Variants in CLTC observed in about 807,000 individuals in gnomAD.
CLTC encodes clathrin heavy chain 1.
CLTC carries 16 observed loss-of-function variants against 195.8 expected under a neutral mutation model. The ratio of observed to expected loss-of-function variants is 0.08; its 90% CI spans 0.06 to 0.12. CLTC has a LOEUF of 0.12. Among genes scored for constraint, CLTC ranks in the 10% least tolerant of loss-of-function variants. CLTC has a pLI of 1.00. For missense variants in CLTC, 796 were observed against 2,027.0 expected (o/e 0.39, Z 11.66); for synonymous variants, 667 against 689.4 (o/e 0.97, Z 0.51).
chr17:59,673,572 A>G lies in CLTC; in HGVS notation c.2293-75A>G, dbSNP rs552498271. 14 of 1,165,900 alleles carry G rather than the reference A, an allele frequency of 1.2e-5. No homozygotes were observed. In the African/African-American group the frequency reaches 2.0e-4, roughly 17 times the overall value. 72.2% of individuals were successfully genotyped at this position (1,165,900 alleles called of 1,614,324 possible). On this transcript the variant is annotated intron_variant, in intron 14 of 31. Transcript: ENST00000269122. ...GAGCCTCTCTTGTTAGCGTAGAACA[A>G]ATTCTCATATGTTACACAGATTTGA...
Position 59,655,991 on chromosome 17 carries a change from C to T in CLTC, c.933C>T (p.Ala311=), listed in dbSNP as rs1241896797. The change falls in exon 6 of 32, where the codon GCC becomes GCT. Residue 311 remains alanine, a synonymous_variant. Coordinates refer to ENST00000269122, the MANE Select transcript of CLTC (RefSeq NM_004859.4). ...ETIFVTAPHE[A]TAGIIGVNRK... ...TTTTTGTTACTGCACCTCATGAAGC[C>T]ACAGCTGGAATAATTGGAGTAAACA... 2 of 1,611,796 alleles carry T rather than the reference C, an allele frequency of 1.2e-6. No individual in the cohort carries two copies. Among genetic ancestry groups the T allele is most frequent in the Non-Finnish European group, 1.7e-6 (2 of 1,179,370 alleles).
intron 1 of CLTC, among the ~76,000 whole-genome samples, chr17:59,636,100 C>T (rs1182343203): frequency 2.0e-5 from 3 of 151,564 alleles, no homozygotes; most frequent in South Asian, 2.1e-4. Flanking sequence ...TGCCATTGCA[C>T]TCCAGCCTGG....
At position 59,636,890 on chromosome 17, in the gene CLTC, G is replaced by A. The variant is rs566501432; in HGVS notation, c.43-7386G>A. Among the ~76,000 whole-genome samples, 45 of 149,818 alleles carry A rather than the reference G, an allele frequency of 3.0e-4. 1 individual carries two copies. The highest frequency in any genetic ancestry group is 2.0e-3 in the Admixed American group (30 of 15,090). ...CGATTCTCCTGCCTCAGTCTCCCGA[G>A]TAGCTGGGATTACAGGTGCCCACCA... On this transcript the variant is annotated intron_variant, in intron 1 of 31. Coordinates refer to ENST00000269122, the MANE Select transcript of CLTC (RefSeq NM_004859.4).
chr17:59,682,694 C>T lies in CLTC; in HGVS notation c.3666C>T (p.Ser1222=). Residue 1222 remains serine, a synonymous_variant, in exon 23 of 32, where the codon TCC becomes TCT. Coordinates refer to ENST00000269122, the MANE Select transcript of CLTC (RefSeq NM_004859.4). The surrounding 1 kb of genome is among the most constrained non-coding windows in gnomAD (Gnocchi z 6.8). ...CTAAGTTGTTGTACAATAATGTTTCCAATTTTGGACGTTTGGCATCTACCC... is the reference window on the plus strand; with the variant it reads ...CTAAGTTGTTGTACAATAATGTTTCTAATTTTGGACGTTTGGCATCTACCC... The part of the protein sequence containing the change: ...DAAKLLYNNV[S]NFGRLASTLV... 6.2e-7 allele frequency: 1 copy of T among 1,613,792 alleles called. No homozygotes were observed. Among genetic ancestry groups the T allele is most frequent in the South Asian group, 1.1e-5 (1 of 91,070 alleles).
chr17:59,648,610 T>G lies in CLTC; in HGVS notation c.681+209T>G, dbSNP rs2032252813. 1 of 521,546 alleles carries G rather than the reference T, an allele frequency of 1.9e-6. No individual in the cohort carries two copies. The highest frequency in any genetic ancestry group is 3.3e-5 in the Admixed American group (1 of 30,202). The allele number at this position is 521,546 out of a possible 1,614,324, so 32.3% of individuals were successfully genotyped here. On this transcript the variant is annotated intron_variant, in intron 4 of 31. Transcript: ENST00000269122. This position sits in a 1 kb window ranked among gnomAD's most constrained non-coding sequence, Gnocchi z 4.5. Reference sequence around the variant, plus strand: ...TTCACAACTCGTTCTGTTGGCTGTTTATATTCTTTGATTGCTAAAGTGCAC... The same window carrying G: ...TTCACAACTCGTTCTGTTGGCTGTTGATATTCTTTGATTGCTAAAGTGCAC...
rs369041540 is a variant in CLTC at position 59,620,186 on chromosome 17, C to A, written c.42+13C>A. ...GGAGCATCTCCAGGTGCGGCCGGGCCCGGGCTGGTGAGGGCTGTGGAGAAG... is the reference window on the plus strand; with the variant it reads ...GGAGCATCTCCAGGTGCGGCCGGGCACGGGCTGGTGAGGGCTGTGGAGAAG... On this transcript the variant is annotated intron_variant, in intron 1 of 31. Transcript: ENST00000269122. The A allele has an allele frequency of 1.5e-5, 25 of 1,613,912 alleles. No individual in the cohort carries two copies. In the African/African-American group the frequency reaches 3.2e-4, roughly 21 times the overall value.
In CLTC at chr17:59,685,465, T is replaced by G; in HGVS notation, c.4606-122T>G. 1 of 930,786 alleles carries G rather than the reference T, an allele frequency of 1.1e-6. No homozygotes were observed. The highest frequency in any genetic ancestry group is 1.8e-5 in the South Asian group (1 of 55,508). The allele number at this position is 930,786 out of a possible 1,614,324, so 57.7% of individuals were successfully genotyped here. On this transcript the variant is annotated intron_variant, in intron 29 of 31. Transcript: ENST00000269122. The surrounding 1 kb of genome is among the most constrained non-coding windows in gnomAD (Gnocchi z 5.0). ...AAAATTTTAATTTAAATGATACAAC[T>G]AGGAGGCTTTTTTCCCCTTGCAAAA...
chr17:59,675,193 A>G lies in CLTC; in HGVS notation c.2561+350A>G, dbSNP rs531520130. The stretch of plus-strand genomic sequence containing the variant: ...ACAACTAATTCTGTACTGATCAATC[A>G]TGTGGTGTTTCCAACCTGAGAAAGC... On this transcript the variant is annotated intron_variant, in intron 16 of 31. Coordinates refer to ENST00000269122, the MANE Select transcript of CLTC (RefSeq NM_004859.4). Among the ~76,000 whole-genome samples, 4 of 152,288 alleles carry G rather than the reference A, an allele frequency of 2.6e-5. No homozygotes were observed. In the East Asian group the frequency reaches 7.7e-4, roughly 29 times the overall value.
rs116424914 is a variant in CLTC, at chr17:59,659,877, A to C, written c.970-514A>C. On this transcript the variant is annotated intron_variant, in intron 6 of 31. Coordinates refer to ENST00000269122, the MANE Select transcript of CLTC (RefSeq NM_004859.4). ...ATGTAATTAACGAAAATTACCAAAAAATTCTTGTAAAGAAAAATCCTAAAA... is the reference window on the plus strand; with the variant it reads ...ATGTAATTAACGAAAATTACCAAAACATTCTTGTAAAGAAAAATCCTAAAA... Among the ~76,000 whole-genome samples, 167 of 152,302 alleles carry C rather than the reference A, an allele frequency of 1.1e-3. 1 individual carries two copies. Among genetic ancestry groups the C allele is most frequent in the African/African-American group, 3.8e-3 (158 of 41,570 alleles).
chr17:59,688,238 G>C (rs1327433836), intron 30 of CLTC, among the ~76,000 whole-genome samples: 1 of 152,134 alleles, frequency 6.6e-6, no homozygotes, highest in Admixed American at 6.5e-5. Flanking sequence ...TTGAGAGCCT[G>C]TATAGCAAGT....
At chr17:59,691,673 T>C (rs2143616532) in intron 31 of CLTC, among the ~76,000 whole-genome samples, 1 of 148,616 alleles carries the variant, frequency 6.7e-6, no homozygotes, top group South Asian at 2.1e-4. Context: ...ATAACCATTA[T>C]ATATCAGGCT....
At position 59,685,269 on chromosome 17, in the gene CLTC, A is replaced by G. The variant is rs1453237836; in HGVS notation, c.4605+43A>G. The G allele has an allele frequency of 6.6e-7, 1 of 1,523,942 alleles. No individual in the cohort carries two copies. The highest frequency in any genetic ancestry group is 2.3e-5 in the East Asian group (1 of 43,516). The allele number at this position is 1,523,942 out of a possible 1,614,324, so 94.4% of individuals were successfully genotyped here. Reference sequence around the variant, plus strand: ...GCAGGGGCTGTTTTAAACCAGGCCTAAAATGGTGTTACAAGTGATTATAAT... The same window carrying G: ...GCAGGGGCTGTTTTAAACCAGGCCTGAAATGGTGTTACAAGTGATTATAAT... On this transcript the variant is annotated intron_variant, in intron 29 of 31. Coordinates refer to ENST00000269122, the MANE Select transcript of CLTC (RefSeq NM_004859.4). The surrounding 1 kb of genome is among the most constrained non-coding windows in gnomAD (Gnocchi z 5.0).
chr17:59,621,644 A>G (rs2031382828), intron 1 of CLTC, among the ~76,000 whole-genome samples: 2 of 152,234 alleles, frequency 1.3e-5, no homozygotes, highest in Admixed American at 6.5e-5. Context: ...TAAATAATGC[A>G]CTTTCCTCAG....
At position 59,693,816 on chromosome 17, in the gene CLTC, T is replaced by C. The variant is rs76202477; in HGVS notation, c.4992T>C (p.Tyr1664=). The change falls in exon 32 of 32, where the codon TAT becomes TAC. Residue 1664 remains tyrosine (Y), a synonymous_variant. Transcript: ENST00000269122. Reference sequence around the variant, plus strand: ...GTTATGGTTATACCGCACCACCGTATGGACAGCCACAGCCTGGCTTTGGGT... The same window carrying C: ...GTTATGGTTATACCGCACCACCGTACGGACAGCCACAGCCTGGCTTTGGGT... The part of the protein sequence containing the change: ...PFGYGYTAPP[Y]GQPQPGFGYS... The C allele has an allele frequency of 2.5e-6, 4 of 1,613,270 alleles. 1 individual carries two copies. The highest frequency in any genetic ancestry group is 2.7e-5 in the African/African-American group (2 of 74,838).
Position 59,685,344 on chromosome 17 carries a change from A to T in CLTC, c.4605+118A>T. The stretch of plus-strand genomic sequence containing the variant: ...TGAATATGAGAGCTGACTTTAAGGC[A>T]ATTTAAGTTAATGGATTTCTTGATT... On this transcript the variant is annotated intron_variant, in intron 29 of 31. Coordinates refer to ENST00000269122, the MANE Select transcript of CLTC (RefSeq NM_004859.4). This position sits in a 1 kb window ranked among gnomAD's most constrained non-coding sequence, Gnocchi z 5.0. 2.0e-6 allele frequency: 2 copies of T among 1,010,452 alleles called. No homozygotes were observed. The highest frequency in any genetic ancestry group is 2.8e-6 in the Non-Finnish European group (2 of 718,884). 62.6% of individuals were successfully genotyped at this position (1,010,452 alleles called of 1,614,324 possible).
chr17:59,684,163 AT>A (rs1278420426), intron 28 of CLTC, 178 bp downstream of exon 28: 5 of 561,978 alleles, frequency 8.9e-6, no homozygotes, highest in Non-Finnish European at 1.6e-5. Flanking sequence ...AGTTTTCAGA[AT>A]TTTGCTCAGA....
chr17:59,688,094 C>T (rs946333386), intron 30 of CLTC, among the ~76,000 whole-genome samples: 4 of 152,088 alleles, frequency 2.6e-5, no homozygotes, highest in Admixed American at 2.6e-4. Flanking sequence ...AGTTAGAAAG[C>T]GTGTGTGTGA....
chr17:59,636,516 C>T (rs1009185180), intron 1 of CLTC, among the ~76,000 whole-genome samples: 5 of 151,854 alleles, frequency 3.3e-5, no homozygotes, highest in African/African-American at 7.3e-5. Context: ...AGTGCGGTGG[C>T]GCGATCTCAG....
At chr17:59,650,665 T>G (rs1049878478) in intron 4 of CLTC, among the ~76,000 whole-genome samples, 12 of 152,052 alleles carry the variant, frequency 7.9e-5, no homozygotes, top group African/African-American at 2.7e-4. Context: ...TACAGATTTA[T>G]AGGAAGCTGT....
Sources: gnomAD v4.1 joint callset for allele counts (sites outside exome capture counted in the v4.1 genomes callset) on GRCh38, gnomAD v4.1.1 for gene constraint, Gnocchi (gnomAD v3.1) non-coding constraint, MANE v1.5 for transcripts, NCBI Gene and HGNC (gene_info 2026-07-23, HGNC 2026-07-21) for gene names.